CBLC: variants seen among roughly 807,000 people sequenced by gnomAD.
CBLC encodes Cbl proto-oncogene C, also known as E3 ubiquitin-protein ligase CBL-C.
In CBLC, 46 loss-of-function variants were observed where a neutral mutation model predicts 58.6. That is an observed-to-expected ratio of 0.79 (90% CI 0.62 to 1.00). The LOEUF (loss-of-function observed/expected upper bound fraction) is 1.00, where lower values mean the gene tolerates loss of function less well. CBLC is among the 50% of genes least tolerant of loss of function. The pLI is 0.00. For synonymous variants in CBLC, 271 were observed against 264.2 expected (o/e 1.03, Z -0.25); for missense variants, 655 against 625.8 (o/e 1.05, Z -0.50).
At chr19:44,786,203 G>A (rs903351024) in intron 5 of CBLC, among the ~76,000 whole-genome samples, 1 of 151,808 alleles carries the variant, frequency 6.6e-6, no homozygotes, top group African/African-American at 2.4e-5. Flanking sequence ...GAGTAGCTAG[G>A]ACTACAGGTG....
chr19:44,786,279 G>A (rs1967904627), intron 5 of CBLC, among the ~76,000 whole-genome samples: 1 of 151,536 alleles, frequency 6.6e-6, no homozygotes, highest in South Asian at 2.1e-4. Flanking sequence ...TAACCTTTAT[G>A]TATGTTTTCG....
In CBLC at chr19:44,784,260, C is replaced by A; in HGVS notation, c.780-4C>A. The A allele has an allele frequency of 6.4e-7, 1 of 1,564,386 alleles. No homozygotes were observed. On this transcript the variant is annotated splice_region_variant and splice_polypyrimidine_tract_variant and intron_variant, in intron 4 of 10. Transcript: ENST00000647358. ...CACCCCATCCTACCTACCTCTCCCT[C>A]CAGTTACATCTTCCGGCCCAGCTGT...
At chr19:44,791,459 G>A (rs1200762824) in intron 6 of CBLC, among the ~76,000 whole-genome samples, 3 of 152,042 alleles carry the variant, frequency 2.0e-5, no homozygotes, top group South Asian at 2.1e-4. Flanking sequence ...ATGGCCGGGC[G>A]AGGTGGCTCA....
intron 9 of CBLC, among the ~76,000 whole-genome samples, chr19:44,799,010 C>T (rs928750479): frequency 2.0e-5 from 3 of 152,168 alleles, no homozygotes; most frequent in Admixed American, 6.5e-5. Context: ...GAGGCCTCCC[C>T]GGCATCTTCC....
At chr19:44,788,403 G>T (rs764027974) in intron 5 of CBLC, among the ~76,000 whole-genome samples, 29 of 151,560 alleles carry the variant, frequency 1.9e-4, no homozygotes, top group African/African-American at 6.3e-4. Flanking sequence ...TGGGATTCAG[G>T]CATGAGCCAC....
chr19:44,782,639 A>T, intron 4 of CBLC, 148 bp downstream of exon 4: 2 of 635,848 alleles, frequency 3.1e-6, no homozygotes, highest in Non-Finnish European at 5.4e-6. Context: ...GAGGCAGGAC[A>T]CTGAGTGCCC....
In CBLC at chr19:44,800,533, C is replaced by A; in HGVS notation, c.*8-18C>A. On this transcript the variant is annotated intron_variant, in intron 10 of 10. Coordinates refer to ENST00000647358, the MANE Select transcript of CBLC (RefSeq NM_012116.4). ...CTGGAGGTGACCTCATCTAACCCAC[C>A]CCTCTCTCCGCCTACAGGGCACCCA... 1 of 816,654 alleles carries A rather than the reference C, an allele frequency of 1.2e-6. No homozygotes were observed. Among genetic ancestry groups the A allele is most frequent in the Non-Finnish European group, 2.0e-6 (1 of 498,914 alleles). 50.6% of individuals were successfully genotyped at this position (816,654 alleles called of 1,614,324 possible). A position where few individuals can be genotyped will look rare whatever the true frequency, so the allele number is the denominator to read the frequency against.
intron 5 of CBLC, among the ~76,000 whole-genome samples, chr19:44,786,094 T>C (rs150627525): frequency 4.8e-4 from 73 of 152,070 alleles, no homozygotes; most frequent in African/African-American, 9.4e-4. Context: ...ACCACACGCC[T>C]GGCCAATTTA....
intron 9 of CBLC, among the ~76,000 whole-genome samples, chr19:44,795,435 T>A (rs965993524): frequency 2.0e-5 from 3 of 151,964 alleles, no homozygotes; most frequent in African/African-American, 7.2e-5. Context: ...GAGGGTCCCT[T>A]GATCCCAGGA....
At chr19:44,785,163 G>C (rs1967865408) in intron 5 of CBLC, among the ~76,000 whole-genome samples, 1 of 151,054 alleles carries the variant, frequency 6.6e-6, no homozygotes, top group Admixed American at 6.6e-5. Flanking sequence ...TTTTAGTAGA[G>C]ACAGGGTTTC....
chr19:44,789,725 T>TAAAACA (rs1158182485), intron 5 of CBLC, among the ~76,000 whole-genome samples: 1 of 152,156 alleles, frequency 6.6e-6, no homozygotes, highest in Non-Finnish European at 1.5e-5. Flanking sequence ...TTCTGGTTCT[T>TAAAACA]AGTCTATCTC....
chr19:44,800,573 G>A lies in CBLC; in HGVS notation c.*30G>A, dbSNP rs1968274150. On this transcript the variant is annotated 3_prime_UTR_variant, in exon 11 of 11. Coordinates refer to ENST00000647358, the MANE Select transcript of CBLC (RefSeq NM_012116.4). ...CAGGGCACCCAGATGTGCTGCTCAAGGGAGCCCCAAGGGCTGGAAGGGGGT... is the reference window on the plus strand; with the variant it reads ...CAGGGCACCCAGATGTGCTGCTCAAAGGAGCCCCAAGGGCTGGAAGGGGGT... The A allele has an allele frequency of 4.9e-6, 3 of 617,580 alleles. No individual in the cohort carries two copies. The highest frequency in any genetic ancestry group is 5.7e-5 in the East Asian group (2 of 35,002). The allele number at this position is 617,580 out of a possible 1,614,324, so 38.3% of individuals were successfully genotyped here.
In CBLC at chr19:44,782,273, G is replaced by T; in HGVS notation, c.658-97G>T. 1.9e-6 allele frequency: 3 copies of T among 1,550,936 alleles called. No individual in the cohort carries two copies. In the Admixed American group the frequency reaches 5.4e-5, roughly 28 times the overall value. On this transcript the variant is annotated intron_variant, in intron 3 of 10. Transcript: ENST00000647358. ...GATATGCCTGAGGCCCACCATGGGT[G>T]TGAAGGAGGTGGTTGGATCCTCGAG...
At chr19:44,778,434 C>T in intron 1 of CBLC, 150 bp downstream of exon 1, 1 of 485,296 alleles carries the variant, frequency 2.1e-6, no homozygotes, top group Non-Finnish European at 2.9e-6. Context: ...CCCTCAGACT[C>T]AGGGCTCCAG....
intron 9 of CBLC, among the ~76,000 whole-genome samples, chr19:44,798,829 G>T (rs912684025): frequency 6.6e-6 from 1 of 152,158 alleles, no homozygotes; most frequent in African/African-American, 2.4e-5. Context: ...AAGACCTGGG[G>T]CTGGGGATCT....
At chr19:44,787,399 A>C (rs1967937954) in intron 5 of CBLC, among the ~76,000 whole-genome samples, 1 of 149,400 alleles carries the variant, frequency 6.7e-6, no homozygotes, top group Non-Finnish European at 1.5e-5. Context: ...GTCTCAAAAA[A>C]TAAAAATAAA....
chr19:44,795,676 G>T (rs966965671), intron 9 of CBLC, among the ~76,000 whole-genome samples: 1 of 151,952 alleles, frequency 6.6e-6, no homozygotes, highest in Non-Finnish European at 1.5e-5. Flanking sequence ...GCTGTCCCTC[G>T]GGGCCCTGCT....
Position 44,790,025 on chromosome 19 carries a change from G to A in CBLC, c.939G>A (p.Lys313=). The change falls in exon 6 of 11, where the codon AAG becomes AAA. Residue 313 remains lysine (K), a synonymous_variant. Transcript: ENST00000647358. ...KDGFYLYPDG[K]THNPDLTELG... The stretch of plus-strand genomic sequence containing the variant: ...CCAGCTACCTCTACCCAGATGGAAA[G>A]ACCCACAACCCAGACCTGACTGAGC... 1 of 1,613,744 alleles carries A rather than the reference G, an allele frequency of 6.2e-7. No individual in the cohort carries two copies. The highest frequency in any genetic ancestry group is 8.5e-7 in the Non-Finnish European group (1 of 1,179,878).
intron 1 of CBLC, 102 bp from the exon 2 acceptor site, chr19:44,780,803 T>TA: frequency 2.5e-6 from 3 of 1,218,104 alleles, no homozygotes; most frequent in Non-Finnish European, 3.5e-6. Flanking sequence ...ACTGTTGAGA[T>TA]AGAGTCCAGA....
Sources: allele counts gnomAD v4.1 joint callset (sites outside exome capture counted in the v4.1 genomes callset), GRCh38; gene constraint gnomAD v4.1.1; transcripts MANE v1.5; gene names NCBI Gene and HGNC (gene_info 2026-07-23, HGNC 2026-07-21).